ARHGAP26: variants seen among roughly 807,000 people sequenced by gnomAD.
ARHGAP26 encodes Rho GTPase activating protein 26.
Under a neutral mutation model 104.8 loss-of-function variants are expected in ARHGAP26, and 38 were observed. That is an observed-to-expected ratio of 0.36 (90% CI 0.28 to 0.48). The LOEUF is 0.48. Among genes scored for constraint, ARHGAP26 ranks in the 20% least tolerant of loss-of-function variants. The pLI is 0.99. For missense variants in ARHGAP26, 704 were observed against 947.9 expected, an observed-to-expected ratio of 0.74 and a Z score of 3.38; for synonymous variants, 341 against 340.0, an observed-to-expected ratio of 1.00 and a Z score of -0.03.
intron 1 of ARHGAP26, among the ~76,000 whole-genome samples, chr5:142,785,237 G>A (rs922071964): frequency 2.6e-5 from 4 of 152,126 alleles, no homozygotes; most frequent in Non-Finnish European, 5.9e-5. Context: ...TCCAAGTGTG[G>A]CACTCTCCTA....
intron 20 of ARHGAP26, among the ~76,000 whole-genome samples, chr5:143,147,675 G>T (rs564886293): frequency 6.6e-6 from 1 of 152,250 alleles, no homozygotes; most frequent in African/African-American, 2.4e-5. Context: ...GGCATGAAAA[G>T]CAATTTCTGT....
chr5:143,006,227 G>A (rs905656523), intron 11 of ARHGAP26, among the ~76,000 whole-genome samples: 5 of 151,932 alleles, frequency 3.3e-5, no homozygotes, highest in Non-Finnish European at 7.4e-5. Flanking sequence ...AGAACAAAGC[G>A]GTCACCTGGA....
At chr5:143,034,214 G>A (rs1030986441) in intron 12 of ARHGAP26, among the ~76,000 whole-genome samples, 5 of 152,146 alleles carry the variant, frequency 3.3e-5, no homozygotes, top group Non-Finnish European at 5.9e-5. Flanking sequence ...TAAGCACGGT[G>A]TCATTCTGTG....
chr5:143,075,799 A>C (rs1788912315), intron 17 of ARHGAP26, among the ~76,000 whole-genome samples: 1 of 151,112 alleles, frequency 6.6e-6, no homozygotes. Context: ...CCCGGGCTCC[A>C]GAGATCCTCC....
At chr5:143,183,399 C>T (rs928399712) in intron 20 of ARHGAP26, among the ~76,000 whole-genome samples, 3 of 152,066 alleles carry the variant, frequency 2.0e-5, no homozygotes, top group Non-Finnish European at 2.9e-5. Context: ...TGCTCCGTGA[C>T]CTGCCTGGTA....
chr5:143,193,248 T>C (rs1268654849), intron 20 of ARHGAP26, among the ~76,000 whole-genome samples: 4 of 135,538 alleles, frequency 3.0e-5, no homozygotes, highest in African/African-American at 8.6e-5. Context: ...TTCTTTTTTT[T>C]TTTTTTTTTT....
At position 143,225,510 on chromosome 5, in the gene ARHGAP26, A is replaced by T; in HGVS notation, c.*3064A>T. 1 of 208,050 alleles carries T rather than the reference A, an allele frequency of 4.8e-6. No individual in the cohort carries two copies. The highest frequency in any genetic ancestry group is 7.2e-5 in the East Asian group (1 of 13,858). The allele number at this position is 208,050 out of a possible 1,614,324, so 12.9% of individuals were successfully genotyped here. ...GACCACATTTGATGTTTGAAGTTGT[A>T]ATCTGTCCCATCATAAACTTACCTG... On this transcript the variant is annotated 3_prime_UTR_variant, in exon 23 of 23. Coordinates refer to ENST00000645722, the MANE Select transcript of ARHGAP26 (RefSeq NM_001135608.3).
At chr5:143,044,871 T>C (rs1784006424) in intron 14 of ARHGAP26, among the ~76,000 whole-genome samples, 1 of 152,106 alleles carries the variant, frequency 6.6e-6, no homozygotes, top group Admixed American at 6.5e-5. Flanking sequence ...ATAGGTGCTC[T>C]GAAGTCAGGA....
rs113348018 is a variant in ARHGAP26 at position 143,118,802 on chromosome 5, G to A, written c.1539-2186G>A. ...CGGGGACTGTTGTGGGGTGGGGAGA[G>A]GGGGGAGGGATAGCATTAGGAGATA... On this transcript the variant is annotated intron_variant, in intron 17 of 22. Transcript: ENST00000645722. Among the ~76,000 whole-genome samples the A allele has an allele frequency of 6.5e-3, 986 of 152,040 alleles. 9 individuals are homozygous for A. The highest frequency in any genetic ancestry group is 0.023 in the African/African-American group (940 of 41,448).
At chr5:142,990,951 C>T (rs1313851790) in intron 11 of ARHGAP26, among the ~76,000 whole-genome samples, 1 of 152,216 alleles carries the variant, frequency 6.6e-6, no homozygotes, top group African/African-American at 2.4e-5. Flanking sequence ...TCTCAGATCT[C>T]AAACTCCGTG....
intron 11 of ARHGAP26, among the ~76,000 whole-genome samples, chr5:143,004,319 C>T (rs75416705): frequency 0.019 from 2,937 of 152,256 alleles, 58 homozygotes; most frequent in African/African-American, 0.051. Flanking sequence ...TTTGCTTTAA[C>T]ACAGACCTTA....
intron 12 of ARHGAP26, among the ~76,000 whole-genome samples, chr5:143,033,771 A>T (rs1408124665): frequency 6.7e-6 from 1 of 148,168 alleles, no homozygotes; most frequent in African/African-American, 2.7e-5. Flanking sequence ...TAAAATGGCA[A>T]TTTTTTCTCT....
Position 143,216,019 on chromosome 5 carries a change from G to A in ARHGAP26, c.2191+1931G>A, listed in dbSNP as rs376254695. Among the ~76,000 whole-genome samples, 293 of 152,262 alleles carry A rather than the reference G, an allele frequency of 1.9e-3. 6 individuals are homozygous for A. The Middle Eastern group carries it at 0.034, about 18-fold the overall frequency. On this transcript the variant is annotated intron_variant, in intron 22 of 22. Coordinates refer to ENST00000645722, the MANE Select transcript of ARHGAP26 (RefSeq NM_001135608.3). Reference sequence around the variant, plus strand: ...TTAATTCCGTGTTTAAGTGTTTGAGGAAATGCCGAACTGTTTCACAAAGAA... The same window carrying A: ...TTAATTCCGTGTTTAAGTGTTTGAGAAAATGCCGAACTGTTTCACAAAGAA...
intron 22 of ARHGAP26, among the ~76,000 whole-genome samples, chr5:143,218,783 A>T (rs1296000052): frequency 6.6e-6 from 1 of 152,246 alleles, no homozygotes; most frequent in African/African-American, 2.4e-5. Flanking sequence ...ATTCAGCCCA[A>T]CAAGCACTTA....
intron 13 of ARHGAP26, among the ~76,000 whole-genome samples, chr5:143,038,666 C>T (rs550242565): frequency 7.6e-6 from 1 of 130,998 alleles, no homozygotes; most frequent in Non-Finnish European, 1.6e-5. Flanking sequence ...AATGGAAATA[C>T]ATTTTTTGAC....
rs1335419750 is a variant in ARHGAP26, at chr5:142,880,167, A to G, written c.384+722A>G. 2.0e-5 allele frequency among the ~76,000 whole-genome samples: 3 copies of G among 152,110 alleles called. No individual in the cohort carries two copies. In the East Asian group the frequency reaches 5.9e-4, roughly 30 times the overall value. On this transcript the variant is annotated intron_variant, in intron 4 of 22. Transcript: ENST00000645722. ...TCTAATGTGTTCTTGAGAGACTGCAAAGGGAATCCTGTTCCTTTTTAAAAG... is the reference window on the plus strand; with the variant it reads ...TCTAATGTGTTCTTGAGAGACTGCAGAGGGAATCCTGTTCCTTTTTAAAAG...
At chr5:142,939,626 C>T (rs1396077800) in intron 11 of ARHGAP26, among the ~76,000 whole-genome samples, 1 of 152,158 alleles carries the variant, frequency 6.6e-6, no homozygotes, top group Non-Finnish European at 1.5e-5. Context: ...AGATTGATTA[C>T]TGTTAAGATG....
intron 20 of ARHGAP26, among the ~76,000 whole-genome samples, chr5:143,198,496 T>C (rs1807206907): frequency 1.3e-5 from 2 of 152,194 alleles, no homozygotes; most frequent in Non-Finnish European, 2.9e-5. Context: ...TGAGCCACGG[T>C]GCACAATAGA....
intron 17 of ARHGAP26, among the ~76,000 whole-genome samples, chr5:143,101,502 G>A (rs1011280535): frequency 6.6e-6 from 1 of 152,008 alleles, no homozygotes; most frequent in African/African-American, 2.4e-5. Context: ...CTCTTTGGGG[G>A]TGACTCCTTC....
Sources: gnomAD v4.1 joint callset for allele counts (sites outside exome capture counted in the v4.1 genomes callset) on GRCh38, gnomAD v4.1.1 for gene constraint, MANE v1.5 for transcripts, NCBI Gene and HGNC (gene_info 2026-07-23, HGNC 2026-07-21) for gene names.